GPHN: variants seen among roughly 807,000 people sequenced by gnomAD.
GPHN encodes the protein gephyrin.
A neutral mutation model predicts 95.5 loss-of-function variants in GPHN; 17 were observed. The observed-to-expected ratio is 0.18, with a 90% CI of 0.12 to 0.27. The LOEUF (loss-of-function observed/expected upper bound fraction) is 0.27. Among genes scored for constraint, GPHN ranks in the 10% least tolerant of loss-of-function variants. GPHN has a pLI of 1.00. For synonymous variants in GPHN, 320 were observed against 322.5 expected, an observed-to-expected ratio of 0.99 and a Z score of 0.08; for missense variants, 660 against 978.1, an observed-to-expected ratio of 0.67 and a Z score of 4.34.
At chr14:67,096,005 CTT>C (rs2077374588) in intron 12 of GPHN, among the ~76,000 whole-genome samples, 1 of 147,064 alleles carries the variant, frequency 6.8e-6, no homozygotes, top group South Asian at 2.2e-4. Context: ...AATCTCAGAC[CTT>C]GTCCCAGCCC....
chr14:67,687,438 G>A, the GPHN span, among the ~76,000 whole-genome samples: 1 of 147,844 alleles, frequency 6.8e-6, no homozygotes, highest in African/African-American at 2.5e-5. Context: ...TCCTCCTTCT[G>A]CCTGGAATGT....
chr14:67,312,460 A>T, the GPHN span: 1 of 1,143,770 alleles, frequency 8.7e-7, no homozygotes, highest in Non-Finnish European at 1.2e-6. Context: ...TGTAGCATTT[A>T]AATTGTATTC....
chr14:66,925,765 C>G (rs1341216970), intron 8 of GPHN, among the ~76,000 whole-genome samples: 1 of 152,170 alleles, frequency 6.6e-6, no homozygotes, highest in African/African-American at 2.4e-5. Flanking sequence ...GGATATACAC[C>G]TAGTAGAGGC....
chr14:66,518,164 G>A (rs1252072900), intron 1 of GPHN, among the ~76,000 whole-genome samples: 1 of 150,746 alleles, frequency 6.6e-6, no homozygotes, highest in Admixed American at 6.6e-5. Context: ...TGCAAAAAAT[G>A]CAATCTGATT....
At chr14:67,570,147 G>A in the GPHN span, 14 of 708,116 alleles carry the variant, frequency 2.0e-5, no homozygotes, top group East Asian at 5.4e-5. Flanking sequence ...AGCCCAGCAC[G>A]TGTCATTTTG....
At chr14:67,043,639 A>C (rs1423470109) in intron 10 of GPHN, among the ~76,000 whole-genome samples, 2 of 152,104 alleles carry the variant, frequency 1.3e-5, no homozygotes, top group Admixed American at 1.3e-4. Flanking sequence ...CCAGTATTAT[A>C]TTGAGAATTT....
At chr14:66,814,342 C>CA (rs2060881341) in intron 3 of GPHN, among the ~76,000 whole-genome samples, 2 of 152,208 alleles carry the variant, frequency 1.3e-5, no homozygotes, top group Admixed American at 1.3e-4. Flanking sequence ...AAGGGCCCCC[C>CA]ATCCCCCACC....
chr14:67,675,440 C>T, the GPHN span, among the ~76,000 whole-genome samples: 2 of 151,998 alleles, frequency 1.3e-5, no homozygotes, highest in African/African-American at 4.8e-5. Flanking sequence ...TTTGGGAGAC[C>T]TTGCTCCCAA....
chr14:67,658,017 G>T, the GPHN span, among the ~76,000 whole-genome samples: 1 of 152,116 alleles, frequency 6.6e-6, no homozygotes, highest in Admixed American at 6.5e-5. Context: ...CCAAGGTGCT[G>T]GGATTACAGG....
At chr14:66,532,236 G>A (rs889224975) in intron 1 of GPHN, among the ~76,000 whole-genome samples, 3 of 152,118 alleles carry the variant, frequency 2.0e-5, no homozygotes, top group African/African-American at 4.8e-5. Flanking sequence ...TTCTGCTTCC[G>A]GTGGCATTTG....
the GPHN span, chr14:67,384,370 T>G: frequency 3.3e-5 from 5 of 151,552 alleles, no homozygotes; most frequent in East Asian, 1.9e-4. Context: ...TACTGTTGTT[T>G]TTTTTTTTTT....
chr14:67,235,018 T>C, the GPHN span, among the ~76,000 whole-genome samples: 2 of 151,996 alleles, frequency 1.3e-5, no homozygotes, highest in African/African-American at 4.8e-5. Context: ...TTGCTGAGCA[T>C]GGTGGCACAC....
the GPHN span, among the ~76,000 whole-genome samples, chr14:67,630,239 A>G: frequency 6.6e-6 from 1 of 152,250 alleles, no homozygotes; most frequent in Non-Finnish European, 1.5e-5. Flanking sequence ...AACAGTGCCC[A>G]TGGTAAGGGT....
At chr14:67,121,491 A>G (rs1243722845) in intron 16 of GPHN, among the ~76,000 whole-genome samples, 3 of 152,266 alleles carry the variant, frequency 2.0e-5, no homozygotes, top group South Asian at 2.1e-4. Flanking sequence ...TATTATTACT[A>G]TATTTTATAA....
intron 3 of GPHN, among the ~76,000 whole-genome samples, chr14:66,785,552 A>G (rs942234710): frequency 9.9e-5 from 15 of 152,040 alleles, no homozygotes; most frequent in African/African-American, 3.4e-4. Flanking sequence ...TGAAATATAC[A>G]GAATGCTCCA....
chr14:67,703,749 C>T, the GPHN span, among the ~76,000 whole-genome samples: 1 of 152,114 alleles, frequency 6.6e-6, no homozygotes, highest in Admixed American at 6.6e-5. Context: ...GATCACAGCT[C>T]ATTGCAACCT....
chr14:66,837,174 G>A (rs2061863645), intron 4 of GPHN, among the ~76,000 whole-genome samples: 2 of 151,456 alleles, frequency 1.3e-5, no homozygotes, highest in Admixed American at 6.6e-5. Flanking sequence ...ATTCACAATA[G>A]CAAAGACTTG....
intron 2 of GPHN, chr14:66,709,277 G>A (rs1012585553): frequency 6.6e-6 from 3 of 454,752 alleles, no homozygotes; most frequent in Admixed American, 4.7e-5. Flanking sequence ...TTAGAACTCT[G>A]TATTAGATTG....
chr14:67,401,875 A>T, the GPHN span, among the ~76,000 whole-genome samples: 1 of 152,064 alleles, frequency 6.6e-6, no homozygotes, highest in South Asian at 2.1e-4. Context: ...TGTAATTCCA[A>T]CATTTTGGGA....
Sources: gnomAD v4.1 joint callset for allele counts (sites outside exome capture counted in the v4.1 genomes callset) on GRCh38, gnomAD v4.1.1 for gene constraint, MANE v1.5 for transcripts, NCBI Gene and HGNC (gene_info 2026-07-23, HGNC 2026-07-21) for gene names.